Variants in SGCZ observed in about 807,000 individuals in gnomAD.
The protein encoded by SGCZ is zeta-sarcoglycan.
In SGCZ, 40 loss-of-function variants were observed where a neutral mutation model predicts 41.3. The ratio of observed to expected loss-of-function variants is 0.97; its 90% CI spans 0.75 to 1.26. The LOEUF is 1.26. SGCZ is among the 50% of genes most tolerant of loss of function. The probability of loss-of-function intolerance (pLI) is 0.00; values close to 1 mark genes in which losing one functional copy is unlikely to be tolerated. For missense variants in SGCZ, 552 were observed against 369.8 expected (o/e 1.49, Z -4.04); for synonymous variants, 206 against 137.5 (o/e 1.50, Z -3.49).
chr8:14,772,501 A>T (rs1225066361), intron 1 of SGCZ, among the ~76,000 whole-genome samples: 1 of 151,328 alleles, frequency 6.6e-6, no homozygotes, highest in East Asian at 2.0e-4. Context: ...ATATGTATAC[A>T]TGTGCCATGC....
chr8:14,618,065 C>T (rs887913780), intron 1 of SGCZ, among the ~76,000 whole-genome samples: 6 of 149,996 alleles, frequency 4.0e-5, no homozygotes, highest in African/African-American at 1.5e-4. Flanking sequence ...GAAAAGCTAA[C>T]TTCATGCCTT....
chr8:15,029,653 G>A (rs1053515065), intron 1 of SGCZ, among the ~76,000 whole-genome samples: 2 of 152,056 alleles, frequency 1.3e-5, no homozygotes, highest in African/African-American at 4.8e-5. Flanking sequence ...AGGATTTACA[G>A]ACCAATCCAG....
At chr8:14,218,353 T>C (rs1397194165) in intron 4 of SGCZ, among the ~76,000 whole-genome samples, 2 of 152,142 alleles carry the variant, frequency 1.3e-5, no homozygotes, top group Non-Finnish European at 2.9e-5. Flanking sequence ...AGAAAAACTC[T>C]AGGAAGAAAA....
intron 4 of SGCZ, among the ~76,000 whole-genome samples, chr8:14,205,139 C>T (rs960191119): frequency 1.3e-5 from 2 of 150,624 alleles, no homozygotes; most frequent in Non-Finnish European, 2.9e-5. Flanking sequence ...AGCCTTTAAT[C>T]GACTACACAC....
chr8:14,292,036 T>C (rs1405208850), intron 3 of SGCZ, among the ~76,000 whole-genome samples: 2 of 152,022 alleles, frequency 1.3e-5, no homozygotes, highest in Non-Finnish European at 2.9e-5. Flanking sequence ...TACTGGGCAA[T>C]GTAATAGGTG....
chr8:15,048,010 G>C (rs1413705291), intron 1 of SGCZ, among the ~76,000 whole-genome samples: 2 of 151,964 alleles, frequency 1.3e-5, no homozygotes, highest in African/African-American at 4.8e-5. Context: ...AGTGCAATCA[G>C]TATGCCAAAG....
At chr8:14,168,310 A>G (rs1462950749) in intron 4 of SGCZ, among the ~76,000 whole-genome samples, 4 of 151,922 alleles carry the variant, frequency 2.6e-5, no homozygotes, top group African/African-American at 9.7e-5. Flanking sequence ...AAACAAAATA[A>G]GCTGCTTTCA....
At chr8:15,080,105 C>G (rs190574248) in intron 1 of SGCZ, among the ~76,000 whole-genome samples, 107 of 152,120 alleles carry the variant, frequency 7.0e-4, no homozygotes, top group Non-Finnish European at 8.8e-4. Flanking sequence ...GACCCATTTT[C>G]AATTATTTAT....
At chr8:14,441,367 G>A (rs1800258680) in intron 2 of SGCZ, among the ~76,000 whole-genome samples, 1 of 152,268 alleles carries the variant, frequency 6.6e-6, no homozygotes, top group Admixed American at 6.5e-5. Flanking sequence ...ACGAGGTCAA[G>A]AGATTGAGGC....
At chr8:14,632,520 T>C (rs1187437841) in intron 1 of SGCZ, among the ~76,000 whole-genome samples, 3 of 152,118 alleles carry the variant, frequency 2.0e-5, no homozygotes, top group Non-Finnish European at 2.9e-5. Flanking sequence ...TTTGAAGAAG[T>C]TGTGAAATGT....
intron 2 of SGCZ, among the ~76,000 whole-genome samples, chr8:14,464,798 A>T (rs73519369): frequency 0.017 from 2,579 of 150,642 alleles, 89 homozygotes; most frequent in African/African-American, 0.06. Context: ...ATTTCCATTC[A>T]CCTCTAAATA....
rs535033445 is a variant in SGCZ, at chr8:14,559,355, A to T, written c.40-4429T>A. 2.6e-5 allele frequency among the ~76,000 whole-genome samples: 4 copies of T among 152,274 alleles called. No homozygotes were observed. In the East Asian group the frequency reaches 7.7e-4, roughly 29 times the overall value. On this transcript the variant is annotated intron_variant, in intron 1 of 7. Transcript: ENST00000382080. Reference sequence around the variant, plus strand: ...CCAACAGTGACCAAGCTGAGAATCAAATCAAGAACTCGACCCCTTTTACCA... The same window carrying T: ...CCAACAGTGACCAAGCTGAGAATCATATCAAGAACTCGACCCCTTTTACCA...
intron 1 of SGCZ, among the ~76,000 whole-genome samples, chr8:15,129,929 T>C (rs1202502379): frequency 1.3e-5 from 2 of 152,000 alleles, no homozygotes; most frequent in Non-Finnish European, 2.9e-5. Context: ...CTCCCACATA[T>C]GCATATATAC....
chr8:14,311,545 T>C (rs1255038883), intron 3 of SGCZ, among the ~76,000 whole-genome samples: 1 of 152,134 alleles, frequency 6.6e-6, no homozygotes, highest in Non-Finnish European at 1.5e-5. Flanking sequence ...TCCATAACTA[T>C]TGAAAGAATA....
chr8:14,259,269 T>A (rs796454021), intron 3 of SGCZ, among the ~76,000 whole-genome samples: 7 of 152,308 alleles, frequency 4.6e-5, no homozygotes, highest in African/African-American at 1.4e-4. Context: ...AGCAAGTTAT[T>A]TTCCTTTAGA....
At chr8:14,864,501 G>A (rs930090518) in intron 1 of SGCZ, among the ~76,000 whole-genome samples, 3 of 152,062 alleles carry the variant, frequency 2.0e-5, no homozygotes, top group Non-Finnish European at 2.9e-5. Flanking sequence ...AACTTCTTTG[G>A]AATAAATTAA....
intron 4 of SGCZ, among the ~76,000 whole-genome samples, chr8:14,191,862 T>C (rs1440987551): frequency 6.6e-6 from 1 of 152,124 alleles, no homozygotes; most frequent in Non-Finnish European, 1.5e-5. Context: ...ATGACTGGAC[T>C]CCATATCCTG....
intron 1 of SGCZ, among the ~76,000 whole-genome samples, chr8:15,050,774 G>C (rs1804483378): frequency 6.6e-6 from 1 of 152,128 alleles, no homozygotes; most frequent in Non-Finnish European, 1.5e-5. Flanking sequence ...ATACAAAGAA[G>C]TTAGGCTCTG....
At chr8:15,217,395 A>C (rs1182972113) in intron 1 of SGCZ, among the ~76,000 whole-genome samples, 4 of 147,076 alleles carry the variant, frequency 2.7e-5, no homozygotes, top group Admixed American at 6.8e-5. Flanking sequence ...CCAACCTGGG[A>C]GACACAGCGA....
Sources: gnomAD v4.1 joint callset for allele counts (sites outside exome capture counted in the v4.1 genomes callset) on GRCh38, gnomAD v4.1.1 for gene constraint, MANE v1.5 for transcripts, NCBI Gene and HGNC (gene_info 2026-07-23, HGNC 2026-07-21) for gene names.